The following OPRM1 variants were observed in gnomAD, a reference collection of about 807,000 sequenced individuals.
OPRM1 encodes opioid receptor mu 1.
OPRM1 carries 27 observed loss-of-function variants against 31.8 expected under a neutral mutation model. The observed-to-expected ratio is 0.85, with a 90% CI of 0.63 to 1.17. OPRM1 has a LOEUF of 1.17. Among genes scored for constraint, OPRM1 ranks in the 50% most tolerant of loss-of-function variants. The pLI, the probability that OPRM1 is intolerant of heterozygous loss-of-function variation, is 0.00. For missense variants in OPRM1, 536 were observed against 511.1 expected (o/e 1.05, Z -0.47); for synonymous variants, 196 against 189.9 (o/e 1.03, Z -0.26).
intron 1 of OPRM1, among the ~76,000 whole-genome samples, chr6:154,015,957 C>T (rs141681969): frequency 2.6e-4 from 40 of 151,744 alleles, no homozygotes; most frequent in African/African-American, 8.9e-4. Context: ...GTTGAAATCA[C>T]ATTCTGTTGT....
intron 3 of OPRM1, among the ~76,000 whole-genome samples, chr6:154,238,968 AC>A (rs1189763874): frequency 6.6e-6 from 1 of 152,116 alleles, no homozygotes; most frequent in Admixed American, 6.6e-5. Context: ...CGACAAAAGT[AC>A]TATGCACTGT....
intron 3 of OPRM1, among the ~76,000 whole-genome samples, chr6:154,103,919 A>G (rs1284448066): frequency 6.6e-6 from 1 of 152,114 alleles, no homozygotes. Flanking sequence ...CTCTTATCTC[A>G]GCCTGTGACT....
Position 154,123,737 on chromosome 6 carries a change from C to T in OPRM1, c.*5016C>T, listed in dbSNP as rs111702066. On this transcript the variant is annotated 3_prime_UTR_variant, in exon 4 of 4. Transcript: ENST00000330432. Reference sequence around the variant, plus strand: ...CGCATAGGGCAACTTCCTGACATTGCCATGGCATTTGTAAACTGTCGTGGT... The same window carrying T: ...CGCATAGGGCAACTTCCTGACATTGTCATGGCATTTGTAAACTGTCGTGGT... Among the ~76,000 whole-genome samples the T allele has an allele frequency of 3.0e-4, 45 of 152,274 alleles. No homozygotes were observed. Among genetic ancestry groups the T allele is most frequent in the African/African-American group, 9.9e-4 (41 of 41,574 alleles).
chr6:154,191,890 A>G lies in OPRM1; in HGVS notation c.1165-54803A>G, dbSNP rs926198838. Among the ~76,000 whole-genome samples the G allele has an allele frequency of 3.9e-5, 6 of 152,338 alleles. No individual in the cohort carries two copies. In the East Asian group the frequency reaches 7.7e-4, roughly 20 times the overall value. On this transcript the variant is annotated intron_variant, in intron 3 of 3. Transcript: ENST00000337049. ...TCTGCTCAATTTTTCTATAAATCAA[A>G]AAGTGCTCTACAAAGTTAAGCCTAT...
intron 3 of OPRM1, among the ~76,000 whole-genome samples, chr6:154,212,135 T>G (rs578141506): frequency 1.3e-5 from 2 of 152,326 alleles, no homozygotes; most frequent in East Asian, 3.9e-4. Flanking sequence ...CAATGATCAT[T>G]GTATGACCCT....
rs1780801617 is a variant in OPRM1 at position 154,243,867 on chromosome 6, T to C, written c.1165-2826T>C. On this transcript the variant is annotated intron_variant, in intron 3 of 3. Coordinates refer to the OPRM1 transcript ENST00000337049. ...CCCACTTTCAAAATGTGGAGACAAC[T>C]ACTACCTCTCAGGGTGATTTTGAGG... 2.0e-5 allele frequency among the ~76,000 whole-genome samples: 3 copies of C among 152,330 alleles called. No individual in the cohort carries two copies. The South Asian group carries it at 6.2e-4, about 32-fold the overall frequency.
chr6:154,037,339 C>T (rs1326950777), upstream of OPRM1, among the ~76,000 whole-genome samples: 9 of 146,790 alleles, frequency 6.1e-5, no homozygotes, highest in South Asian at 4.3e-4. Flanking sequence ...AAGAGAACAA[C>T]GTGACCAAAA....
At chr6:154,020,507 T>A (rs901479924) in intron 1 of OPRM1, among the ~76,000 whole-genome samples, 13 of 152,278 alleles carry the variant, frequency 8.5e-5, no homozygotes, top group East Asian at 3.9e-4. Context: ...TTAAAAAAAA[T>A]TTTAAAGACA....
intron 3 of OPRM1, among the ~76,000 whole-genome samples, chr6:154,199,280 A>G (rs1313028993): frequency 6.6e-6 from 1 of 152,248 alleles, no homozygotes; most frequent in Non-Finnish European, 1.5e-5. Context: ...ATCTAAGCTC[A>G]TTTTGAACTA....
chr6:154,058,454 T>C (rs1266134888), intron 1 of OPRM1, among the ~76,000 whole-genome samples: 3 of 152,234 alleles, frequency 2.0e-5, no homozygotes, highest in African/African-American at 7.2e-5. Flanking sequence ...TTGAAAACAG[T>C]TGTGTTTTCA....
chr6:154,098,392 A>G (rs1793776408), intron 3 of OPRM1, among the ~76,000 whole-genome samples: 1 of 152,224 alleles, frequency 6.6e-6, no homozygotes, highest in Non-Finnish European at 1.5e-5. Flanking sequence ...TAAGTGGTGA[A>G]TTGCTATTTT....
intron 3 of OPRM1, among the ~76,000 whole-genome samples, chr6:154,200,591 C>A (rs191368898): frequency 4.0e-4 from 61 of 152,046 alleles, no homozygotes; most frequent in African/African-American, 1.3e-3. Flanking sequence ...CTTGGTGGCG[C>A]GCACCTGTAG....
intron 3 of OPRM1, among the ~76,000 whole-genome samples, chr6:154,139,950 A>G (rs917128769): frequency 6.6e-6 from 1 of 152,180 alleles, no homozygotes; most frequent in Non-Finnish European, 1.5e-5. Flanking sequence ...GGGAACAAAA[A>G]AGAAAAATCA....
chr6:154,083,532 C>T (rs912372051), intron 1 of OPRM1: 25 of 146,700 alleles, frequency 1.7e-4, no homozygotes, highest in African/African-American at 6.4e-4. Flanking sequence ...CTTGCTCTGT[C>T]TGAAAGATAC....
chr6:154,221,697 C>A (rs1015562472), intron 3 of OPRM1, among the ~76,000 whole-genome samples: 1 of 152,036 alleles, frequency 6.6e-6, no homozygotes, highest in Admixed American at 6.5e-5. Context: ...CATGGTGAAA[C>A]CCCGTCTCTA....
intron 1 of OPRM1, among the ~76,000 whole-genome samples, chr6:154,020,546 T>C (rs1408799585): frequency 2.6e-5 from 4 of 152,216 alleles, no homozygotes; most frequent in African/African-American, 9.6e-5. Flanking sequence ...GAAGGTTTGT[T>C]TGAGAAACAT....
rs185759829 is a variant in OPRM1, at chr6:154,122,261, T to C, written c.*3540T>C. On this transcript the variant is annotated 3_prime_UTR_variant, in exon 4 of 4. Transcript: ENST00000330432. Reference sequence around the variant, plus strand: ...CATAGAAATATCCACCAGCAGAAAATTGGTTTCTCAAGGAATCCCTACTGC... The same window carrying C: ...CATAGAAATATCCACCAGCAGAAAACTGGTTTCTCAAGGAATCCCTACTGC... Among the ~76,000 whole-genome samples, 82 of 152,264 alleles carry C rather than the reference T, an allele frequency of 5.4e-4. No homozygotes were observed. Among genetic ancestry groups the C allele is most frequent in the African/African-American group, 1.7e-3 (72 of 41,562 alleles).
At chr6:154,241,000 G>C (rs1466312689) in intron 3 of OPRM1, among the ~76,000 whole-genome samples, 4 of 152,134 alleles carry the variant, frequency 2.6e-5, no homozygotes, top group Non-Finnish European at 4.4e-5. Flanking sequence ...CACTTTGGGA[G>C]ACTGAGGCGG....
chr6:154,188,571 A>G (rs1450233951), intron 3 of OPRM1, among the ~76,000 whole-genome samples: 2 of 152,248 alleles, frequency 1.3e-5, no homozygotes, highest in Admixed American at 1.3e-4. Flanking sequence ...AATGGCCAAG[A>G]GTATCCTAAA....
Sources: gnomAD v4.1 joint callset for allele counts (sites outside exome capture counted in the v4.1 genomes callset) on GRCh38, gnomAD v4.1.1 for gene constraint, MANE v1.5 for transcripts, NCBI Gene and HGNC (gene_info 2026-07-23, HGNC 2026-07-21) for gene names.